The following NUDT22 variants were observed in gnomAD, a reference collection of about 807,000 sequenced individuals.
The protein encoded by NUDT22 is uridine diphosphate glucose pyrophosphatase NUDT22.
In NUDT22, 23 loss-of-function variants were observed where a neutral mutation model predicts 28.8. That is an observed-to-expected ratio of 0.80 (90% CI 0.58 to 1.13). The LOEUF (loss-of-function observed/expected upper bound fraction) is 1.13. Ranked by LOEUF, NUDT22 falls within the 50% of genes most tolerant of loss-of-function variation. The pLI, the probability that NUDT22 is intolerant of heterozygous loss-of-function variation, is 0.00. For missense variants in NUDT22, 358 were observed against 387.3 expected (o/e 0.92, Z 0.64); for synonymous variants, 175 against 173.7 (o/e 1.01, Z -0.06).
At position 64,227,091 on chromosome 11, in the gene NUDT22, C is replaced by T. The variant is rs760670765; in HGVS notation, c.439C>T (p.Pro147Ser). 5 of 1,597,406 alleles carry T rather than the reference C, an allele frequency of 3.1e-6. No individual in the cohort carries two copies. The highest frequency in any genetic ancestry group is 4.5e-5 in the East Asian group (2 of 44,326). The change falls in exon 2 of 6, where the codon CCT becomes TCT. Residue 147 changes from proline (P) to serine (S), a missense_variant. Coordinates refer to ENST00000279206, the MANE Select transcript of NUDT22 (RefSeq NM_032344.4). ...LRRSRQVAEAPGLVDVPGGHP... is the reference protein window; with the variant it reads ...LRRSRQVAEASGLVDVPGGHP... ...CCGCTCCCGGCAGGTGGCTGAGGCCCCTGGGCTGGTGGACGTACCTGGTGG... is the reference window on the plus strand; with the variant it reads ...CCGCTCCCGGCAGGTGGCTGAGGCCTCTGGGCTGGTGGACGTACCTGGTGG...
downstream of NUDT22, chr11:64,230,215 T>C: frequency 4.4e-6 from 3 of 680,656 alleles, no homozygotes; most frequent in Non-Finnish European, 8.0e-6. Context: ...CTCCGTAAGA[T>C]ATACCTCGCT....
At chr11:64,226,511 G>A (rs939237666) in intron 1 of NUDT22, 84 bp downstream of exon 1, 21 of 1,484,042 alleles carry the variant, frequency 1.4e-5, no homozygotes, top group Non-Finnish European at 1.8e-5. Flanking sequence ...CCCAAGGAGT[G>A]GTCAGGGGGG....
intron 2 of NUDT22, 59 bp downstream of exon 2, chr11:64,227,191 CCCTCCCAAT>C: frequency 6.5e-7 from 1 of 1,526,924 alleles, no homozygotes; most frequent in Non-Finnish European, 8.8e-7. Context: ...CAGCTCTCCA[CCCTCCCAAT>C]CCTCCCAGCT....
At chr11:64,229,431 C>A (rs148413452) in intron 4 of NUDT22, 47 bp from the exon 5 acceptor site, 20,055 of 1,607,764 alleles carry the variant, frequency 0.012, 160 homozygotes, top group Non-Finnish European at 0.015. Flanking sequence ...CACAGGTACC[C>A]CGCAGGGGCT....
Position 64,227,131 on chromosome 11 carries a change from A to T in NUDT22, c.479A>T (p.Gln160Leu). The change falls in exon 2 of 6, where the codon CAG becomes CTG. Residue 160 changes from glutamine to leucine, a missense_variant and splice_region_variant. Transcript: ENST00000279206. ...GTACCTGGTGGGCACCCTGAGCCTCAGGTGAGATTCCAGGCTGGGCACAAA... is the reference window on the plus strand; with the variant it reads ...GTACCTGGTGGGCACCCTGAGCCTCTGGTGAGATTCCAGGCTGGGCACAAA... ...VDVPGGHPEP[Q>L]ALCPGGSPQH... The T allele has an allele frequency of 6.3e-7, 1 of 1,585,862 alleles. No individual in the cohort carries two copies. Among genetic ancestry groups the T allele is most frequent in the Non-Finnish European group, 8.5e-7 (1 of 1,171,402 alleles).
chr11:64,227,865 T>A, intron 3 of NUDT22, 199 bp downstream of exon 3: 1 of 580,294 alleles, frequency 1.7e-6, no homozygotes, highest in Non-Finnish European at 3.0e-6. Context: ...TCTTCTTTTC[T>A]TTTTTCTTTC....
At chr11:64,228,618 C>T (rs1315126463) in intron 3 of NUDT22, 9 of 150,254 alleles carry the variant, frequency 6.0e-5, no homozygotes, top group South Asian at 2.1e-4. Context: ...GAGCCGAAAT[C>T]GCGCCACTGC....
Position 64,229,499 on chromosome 11 carries a change from G to C in NUDT22, c.699G>C (p.Gln233His). Reference protein sequence around the residue: ...FYVQCSLTSEQVRKHYLSGGP... With the variant: ...FYVQCSLTSEHVRKHYLSGGP... ...CCAGGTGCAGCCTGACTTCTGAGCA[G>C]GTGAGGAAGCACTACCTGAGTGGGG... The change falls in exon 5 of 6, where the codon CAG becomes CAC. Residue 233 changes from glutamine (Q) to histidine (H), a missense_variant. Transcript: ENST00000279206. 6.2e-7 allele frequency: 1 copy of C among 1,614,200 alleles called. No homozygotes were observed.
In NUDT22 at chr11:64,226,633, A is replaced by G; in HGVS notation, c.-18-2A>G. ...GACAGGCCTGGCCGTATCCTCCCCC[A>G]GAGCTGCCCCGTTCAGACCATGGAT... is the stretch of plus-strand genomic sequence containing the variant. On this transcript the variant is annotated splice_acceptor_variant, in intron 1 of 5. Transcript: ENST00000279206. LOFTEE classifies it low-confidence loss of function (5UTR_SPLICE). 1 of 1,549,670 alleles carries G rather than the reference A, an allele frequency of 6.5e-7. No homozygotes were observed. Among genetic ancestry groups the G allele is most frequent in the Non-Finnish European group, 8.7e-7 (1 of 1,149,894 alleles).
At chr11:64,227,412 G>A (rs1215254915) in intron 2 of NUDT22, 156 bp from the exon 3 acceptor site, 3 of 741,334 alleles carry the variant, frequency 4.0e-6, no homozygotes, top group African/African-American at 3.4e-5. Context: ...TGGACCTCTG[G>A]TTGTCTGTCA....
rs775767356 is a variant in NUDT22 at position 64,229,474 on chromosome 11, C to G, written c.678-4C>G. 3 of 1,614,060 alleles carry G rather than the reference C, an allele frequency of 1.9e-6. No homozygotes were observed. The highest frequency in any genetic ancestry group is 2.5e-6 in the Non-Finnish European group (3 of 1,179,906). ...CACTAAGCCACCCTTGTGTTCTTGT[C>G]CAGGTGCAGCCTGACTTCTGAGCAG... On this transcript the variant is annotated splice_polypyrimidine_tract_variant and splice_region_variant and intron_variant, in intron 4 of 5. Transcript: ENST00000279206.
chr11:64,226,329 G>A lies in NUDT22; in HGVS notation c.-117G>A. 1.7e-6 allele frequency: 2 copies of A among 1,174,780 alleles called. No individual in the cohort carries two copies. The highest frequency in any genetic ancestry group is 3.3e-4 in the Middle Eastern group (1 of 3,010). The allele number at this position is 1,174,780 out of a possible 1,614,324, so 72.8% of individuals were successfully genotyped here. ...GCCCGCTGGAGGCTGGAGCTTCCGGGCCCTGGAAAGGGGTCCCCGCGCGCC... is the reference window on the plus strand; with the variant it reads ...GCCCGCTGGAGGCTGGAGCTTCCGGACCCTGGAAAGGGGTCCCCGCGCGCC... On this transcript the variant is annotated 5_prime_UTR_variant, in exon 1 of 6. Coordinates refer to ENST00000279206, the MANE Select transcript of NUDT22 (RefSeq NM_032344.4).
At position 64,226,689 on chromosome 11, in the gene NUDT22, G is replaced by C. The variant is rs561893213; in HGVS notation, c.37G>C (p.Gly13Arg). 196 of 1,608,372 alleles carry C rather than the reference G, an allele frequency of 1.2e-4. 5 individuals are homozygous for C. In the South Asian group the frequency reaches 2.1e-3, roughly 17 times the overall value. The change falls in exon 2 of 6, where the codon GGC becomes CGC. Residue 13 changes from glycine to arginine, a missense_variant. Gly to Arg is a moderately radical substitution (Grantham distance 125, BLOSUM62 -2). Coordinates refer to ENST00000279206, the MANE Select transcript of NUDT22 (RefSeq NM_032344.4). ...GGTGACCTTGCTGCTGCAGTGCCCT[G>C]GCGGGGGCCTGCCCCAGGAGCAGAT... is the stretch of plus-strand genomic sequence containing the variant. Reference protein sequence around the residue: ...PEVTLLLQCPGGGLPQEQIQA... With the variant: ...PEVTLLLQCPRGGLPQEQIQA...
At chr11:64,226,517 G>T in intron 1 of NUDT22, 90 bp downstream of exon 1, 3 of 1,487,256 alleles carry the variant, frequency 2.0e-6, no homozygotes, top group Admixed American at 2.4e-5. Flanking sequence ...GAGTGGTCAG[G>T]GGGGTGGAGA....
Position 64,227,636 on chromosome 11 carries a change from T to G in NUDT22, c.549T>G (p.Phe183Leu). Residue 183 changes from phenylalanine (F) to leucine (L), a missense_variant, in exon 3 of 6, where the codon TTT becomes TTG. Phe to Leu is a conservative substitution (Grantham distance 22, BLOSUM62 0). Coordinates refer to ENST00000279206, the MANE Select transcript of NUDT22 (RefSeq NM_032344.4). ...LAGQLVVHEL[F>L]SSVLQEICDE... ...GGCAGCTGGTGGTACATGAACTCTT[T>G]TCCAGTGTCCTTCAGGAGATCTGTG... The G allele has an allele frequency of 6.2e-7, 1 of 1,614,090 alleles. No homozygotes were observed. Among genetic ancestry groups the G allele is most frequent in the Non-Finnish European group, 8.5e-7 (1 of 1,179,986 alleles).
At chr11:64,229,809 G>A in intron 5 of NUDT22, 41 bp from the exon 6 acceptor site, 3 of 1,611,940 alleles carry the variant, frequency 1.9e-6, no homozygotes, top group South Asian at 1.1e-5. Flanking sequence ...GGCAGGAGAA[G>A]TGGCAAGCTT....
chr11:64,226,412 C>G lies in NUDT22; in HGVS notation c.-34C>G, dbSNP rs761452399. 7.5e-7 allele frequency: 1 copy of G among 1,338,374 alleles called. No individual in the cohort carries two copies. Among genetic ancestry groups the G allele is most frequent in the Non-Finnish European group, 9.5e-7 (1 of 1,049,776 alleles). The allele number at this position is 1,338,374 out of a possible 1,614,324, so 82.9% of individuals were successfully genotyped here. A position where few individuals can be genotyped will look rare whatever the true frequency, so the allele number is the denominator to read the frequency against. ...ACATGGGCATTTGGGGCGCCTGAAC[C>G]CAAGACCTCTGGATGGTAGGGATGC... On this transcript the variant is annotated 5_prime_UTR_variant, in exon 1 of 6. Transcript: ENST00000279206.
Position 64,226,898 on chromosome 11 carries a change from G to T in NUDT22, c.246G>T (p.Leu82=). ...GSRGPQLLLR[L]GLTSYRDFLG... is the part of the protein sequence containing the mutation. Reference sequence around the variant, plus strand: ...GGGGGCCACAGCTGCTCCTGCGCCTGGGCCTTACTTCCTACCGAGACTTCC... The same window carrying T: ...GGGGGCCACAGCTGCTCCTGCGCCTTGGCCTTACTTCCTACCGAGACTTCC... Residue 82 remains leucine, a synonymous_variant, in exon 2 of 6, where the codon CTG becomes CTT. Coordinates refer to ENST00000279206, the MANE Select transcript of NUDT22 (RefSeq NM_032344.4). 4.4e-6 allele frequency: 7 copies of T among 1,603,540 alleles called. No homozygotes were observed. Among genetic ancestry groups the T allele is most frequent in the Non-Finnish European group, 5.9e-6 (7 of 1,179,924 alleles).
At chr11:64,227,533 G>A (rs975139324) in intron 2 of NUDT22, 35 bp from the exon 3 acceptor site, 29 of 1,525,410 alleles carry the variant, frequency 1.9e-5, no homozygotes, top group Non-Finnish European at 2.5e-5. Flanking sequence ...AGGGGGAAGA[G>A]GTGGGGAGCA....
Sources: gnomAD v4.1 joint callset for allele counts on GRCh38, gnomAD v4.1.1 for gene constraint, MANE v1.5 for transcripts, NCBI Gene and HGNC (gene_info 2026-07-23, HGNC 2026-07-21) for gene names.